CSMD1: variants seen among roughly 807,000 people sequenced by gnomAD.
CSMD1 encodes the protein CUB and sushi domain-containing protein 1.
In CSMD1, 213 loss-of-function variants were observed where a neutral mutation model predicts 417.5. That is an observed-to-expected ratio of 0.51 (90% confidence interval 0.46 to 0.57). The LOEUF is 0.57. Ranked by LOEUF, CSMD1 falls within the 20% of genes least tolerant of loss-of-function variation. The probability of loss-of-function intolerance (pLI) is 0.00; values close to 1 mark genes in which losing one functional copy is unlikely to be tolerated. For missense variants in CSMD1, 6,923 were observed against 4,529.7 expected, an observed-to-expected ratio of 1.53 and a Z score of -15.17; for synonymous variants, 2,862 against 1,736.8, an observed-to-expected ratio of 1.65 and a Z score of -16.11.
At chr8:4,458,009 T>TC (rs1349283993) in intron 2 of CSMD1, among the ~76,000 whole-genome samples, 2 of 152,204 alleles carry the variant, frequency 1.3e-5, no homozygotes, top group African/African-American at 4.8e-5. Flanking sequence ...TAGTGACTTC[T>TC]CCCTATATCC....
intron 4 of CSMD1, among the ~76,000 whole-genome samples, chr8:4,016,903 C>T (rs181533488): frequency 3.3e-5 from 5 of 152,190 alleles, no homozygotes; most frequent in Admixed American, 2.6e-4. Context: ...AAACACAATC[C>T]CAAATGCCAT....
chr8:4,629,014 T>A (rs1276260356), intron 2 of CSMD1, among the ~76,000 whole-genome samples: 7 of 152,320 alleles, frequency 4.6e-5, no homozygotes, highest in Middle Eastern at 6.8e-3. Flanking sequence ...TTGTTTTTAA[T>A]GGTAATTTGT....
intron 1 of CSMD1, among the ~76,000 whole-genome samples, chr8:4,814,121 C>A (rs1196253366): frequency 6.6e-6 from 1 of 152,120 alleles, no homozygotes; most frequent in Non-Finnish European, 1.5e-5. Context: ...ACGGCCTCAG[C>A]CTATTTCTTG....
chr8:3,564,551 A>T (rs368746949), intron 10 of CSMD1, among the ~76,000 whole-genome samples: 1 of 35,764 alleles, frequency 2.8e-5, no homozygotes, highest in Non-Finnish European at 7.2e-5. Flanking sequence ...GTGTGTGTGT[A>T]TAATACATGT....
intron 1 of CSMD1, among the ~76,000 whole-genome samples, chr8:4,944,844 G>A (rs541586924): frequency 1.3e-5 from 2 of 152,066 alleles, no homozygotes; most frequent in East Asian, 3.9e-4. Context: ...AAACAGTATG[G>A]TGATTCTTCT....
intron 3 of CSMD1, among the ~76,000 whole-genome samples, chr8:4,161,854 C>T (rs1476777325): frequency 2.0e-5 from 3 of 152,134 alleles, no homozygotes; most frequent in African/African-American, 7.2e-5. Context: ...TTTTCTTTGC[C>T]ATAGAATTTA....
intron 10 of CSMD1, among the ~76,000 whole-genome samples, chr8:3,543,256 G>T (rs536171196): frequency 9.8e-5 from 15 of 152,324 alleles, no homozygotes; most frequent in South Asian, 2.1e-4. Flanking sequence ...TAGAGCAGAG[G>T]TGAGGCATGT....
chr8:4,892,753 T>A (rs1804207488), intron 1 of CSMD1, among the ~76,000 whole-genome samples: 1 of 152,110 alleles, frequency 6.6e-6, no homozygotes, highest in East Asian at 1.9e-4. Flanking sequence ...CATCTCATTT[T>A]TATTCTTTGT....
chr8:3,412,648 C>G (rs1177910430), intron 12 of CSMD1, among the ~76,000 whole-genome samples: 1 of 152,144 alleles, frequency 6.6e-6, no homozygotes, highest in Non-Finnish European at 1.5e-5. Flanking sequence ...AACGTCACAC[C>G]TCAGGCTACC....
At chr8:3,526,976 G>A (rs1035947282) in intron 10 of CSMD1, among the ~76,000 whole-genome samples, 2 of 152,112 alleles carry the variant, frequency 1.3e-5, no homozygotes, top group African/African-American at 4.8e-5. Context: ...GCAGCCCTCT[G>A]GAGGGTGGGG....
intron 5 of CSMD1, among the ~76,000 whole-genome samples, chr8:3,915,921 G>A (rs916676051): frequency 8.6e-5 from 13 of 150,534 alleles, no homozygotes; most frequent in African/African-American, 3.2e-4. Context: ...GTTATCTGAG[G>A]CAGACCTACA....
At chr8:4,102,479 G>C (rs947268535) in intron 3 of CSMD1, among the ~76,000 whole-genome samples, 1 of 152,136 alleles carries the variant, frequency 6.6e-6, no homozygotes, top group Non-Finnish European at 1.5e-5. Context: ...TATCAAATCT[G>C]TCACTTGAGG....
chr8:3,542,056 T>C, intron 10 of CSMD1, among the ~76,000 whole-genome samples: 1 of 152,138 alleles, frequency 6.6e-6, no homozygotes, highest in East Asian at 1.9e-4. Context: ...TACTTCCACC[T>C]ATGTGCACCC....
intron 54 of CSMD1, among the ~76,000 whole-genome samples, chr8:2,983,584 T>C (rs1805607849): frequency 6.6e-6 from 1 of 152,224 alleles, no homozygotes; most frequent in Non-Finnish European, 1.5e-5. Context: ...CTGAGATGAT[T>C]AGAGCAGAAC....
At chr8:4,338,978 G>C (rs1160551574) in intron 3 of CSMD1, among the ~76,000 whole-genome samples, 1 of 152,078 alleles carries the variant, frequency 6.6e-6, no homozygotes, top group Non-Finnish European at 1.5e-5. Context: ...TCAATGATCA[G>C]AAAATGCTTT....
chr8:4,027,119 G>C (rs749572240), intron 4 of CSMD1, among the ~76,000 whole-genome samples: 33 of 152,282 alleles, frequency 2.2e-4, no homozygotes, highest in Non-Finnish European at 1.8e-4. Flanking sequence ...GGAGCAAAAA[G>C]CTTTACACTC....
At chr8:4,750,299 C>A (rs1168291416) in intron 1 of CSMD1, among the ~76,000 whole-genome samples, 1 of 152,184 alleles carries the variant, frequency 6.6e-6, no homozygotes, top group African/African-American at 2.4e-5. Flanking sequence ...AACCACCATG[C>A]CCGGCCCTGA....
chr8:3,635,746 G>C (rs1253080374), intron 7 of CSMD1, among the ~76,000 whole-genome samples: 1 of 141,784 alleles, frequency 7.1e-6, no homozygotes, highest in Non-Finnish European at 1.5e-5. Flanking sequence ...GCCTCCCGAA[G>C]TGCTGGGATT....
chr8:3,966,307 G>A (rs1432863668), intron 5 of CSMD1, among the ~76,000 whole-genome samples: 2 of 152,158 alleles, frequency 1.3e-5, no homozygotes, highest in Non-Finnish European at 2.9e-5. Flanking sequence ...AACTGATGGA[G>A]AAGAGGGAAA....
Sources: allele counts gnomAD v4.1 joint callset (sites outside exome capture counted in the v4.1 genomes callset), GRCh38; gene constraint gnomAD v4.1.1; transcripts MANE v1.5; gene names NCBI Gene and HGNC (gene_info 2026-07-23, HGNC 2026-07-21).